The following LAMA2 variants were observed in gnomAD, a reference collection of about 807,000 sequenced individuals.
LAMA2 encodes laminin subunit alpha 2.
Under a neutral mutation model 364.8 loss-of-function variants are expected in LAMA2, and 269 were observed. The observed-to-expected ratio is 0.74, with a 90% CI of 0.67 to 0.82. The LOEUF is 0.82. Ranked by LOEUF, LAMA2 falls within the 40% of genes least tolerant of loss-of-function variation. LAMA2 has a pLI of 0.00. For missense variants in LAMA2, 3,807 were observed against 3,873.2 expected, an observed-to-expected ratio of 0.98 and a Z score of 0.45; for synonymous variants, 1,379 against 1,370.6, an observed-to-expected ratio of 1.01 and a Z score of -0.14.
Position 129,096,482 on chromosome 6 carries a change from C to T in LAMA2, c.397-1691C>T, listed in dbSNP as rs1438204162. On this transcript the variant is annotated intron_variant, in intron 3 of 64. Coordinates refer to ENST00000421865, the MANE Select transcript of LAMA2 (RefSeq NM_000426.4). The stretch of plus-strand genomic sequence containing the variant: ...ATGTCTTGGCATATTCAAGCAGTTA[C>T]AGGCACATACATAGATATGTGTGTC... 3.2e-4 allele frequency among the ~76,000 whole-genome samples: 48 copies of T among 152,176 alleles called. 1 individual carries two copies. Among genetic ancestry groups the T allele is most frequent in the Admixed American group, 3.1e-3 (48 of 15,276 alleles).
intron 1 of LAMA2, among the ~76,000 whole-genome samples, chr6:128,980,866 CTAATGAAAA>C (rs763290063): frequency 5.5e-4 from 83 of 152,138 alleles, no homozygotes; most frequent in Non-Finnish European, 9.9e-4. Flanking sequence ...TTGATCAATA[CTAATGAAAA>C]TAAACCTGAA....
intron 1 of LAMA2, among the ~76,000 whole-genome samples, chr6:128,965,053 A>G (rs1035632611): frequency 6.6e-6 from 1 of 152,078 alleles, no homozygotes; most frequent in Non-Finnish European, 1.5e-5. Context: ...TGAGAGGATT[A>G]TAAAATGAAG....
chr6:128,921,864 C>G (rs1274066576), intron 1 of LAMA2, among the ~76,000 whole-genome samples: 1 of 117,562 alleles, frequency 8.5e-6, no homozygotes, highest in East Asian at 3.0e-4. Flanking sequence ...CCCCTCCCCC[C>G]ACCCCACAAC....
At chr6:129,142,935 A>G (rs1370851294) in intron 4 of LAMA2, among the ~76,000 whole-genome samples, 3 of 151,858 alleles carry the variant, frequency 2.0e-5, no homozygotes, top group Non-Finnish European at 4.4e-5. Context: ...ATATTTGTGC[A>G]TTTTGTTATG....
chr6:129,016,801 A>G (rs1785103075), intron 1 of LAMA2, among the ~76,000 whole-genome samples: 1 of 151,766 alleles, frequency 6.6e-6, no homozygotes, highest in South Asian at 2.1e-4. Context: ...TCATACATTG[A>G]GGTTTTTATT....
chr6:129,154,787 G>A (rs1248770498), intron 8 of LAMA2, 104 bp downstream of exon 8: 3 of 914,006 alleles, frequency 3.3e-6, no homozygotes, highest in Non-Finnish European at 5.1e-6. Flanking sequence ...GTAAACAGTT[G>A]AACTTCAAAT....
intron 12 of LAMA2, among the ~76,000 whole-genome samples, chr6:129,201,395 C>T (rs919788747): frequency 3.3e-5 from 5 of 152,038 alleles, no homozygotes; most frequent in East Asian, 1.9e-4. Context: ...AAAGAGAAAC[C>T]GGAGTACTGA....
At chr6:129,439,998 C>G (rs148277554) in intron 42 of LAMA2, among the ~76,000 whole-genome samples, 82 of 152,022 alleles carry the variant, frequency 5.4e-4, no homozygotes, top group African/African-American at 1.9e-3. Context: ...CTGTGTATAA[C>G]ATAAGTTAGC....
Position 129,502,645 on chromosome 6 carries a change from TG to T in LAMA2, c.8245-11del, listed in dbSNP as rs1427702922. ...TCCATAATCTCCTGTTTTTCTCTCC[TG>T]GGTATTTTACAGGGTCCTTGTGCTG... is the stretch of plus-strand genomic sequence containing the variant. On this transcript the variant is annotated splice_polypyrimidine_tract_variant and intron_variant, in intron 58 of 64. Transcript: ENST00000421865. 2 of 1,556,580 alleles carry T rather than the reference TG, an allele frequency of 1.3e-6. No homozygotes were observed. Among genetic ancestry groups the T allele is most frequent in the South Asian group, 1.1e-5 (1 of 89,936 alleles).
intron 32 of LAMA2, among the ~76,000 whole-genome samples, chr6:129,355,318 CTCT>C (rs1218123629): frequency 6.6e-6 from 1 of 152,070 alleles, no homozygotes; most frequent in Admixed American, 6.6e-5. Context: ...TTCATCTTTT[CTCT>C]TCTTCTAAAA....
intron 12 of LAMA2, among the ~76,000 whole-genome samples, chr6:129,209,771 A>G (rs994558820): frequency 2.0e-5 from 3 of 152,080 alleles, no homozygotes; most frequent in Admixed American, 6.5e-5. Flanking sequence ...TGGGAGGCTG[A>G]GGCGGGCGGA....
At chr6:129,398,936 G>A (rs556388455) in intron 37 of LAMA2, among the ~76,000 whole-genome samples, 7 of 152,264 alleles carry the variant, frequency 4.6e-5, no homozygotes, top group South Asian at 2.1e-4. Context: ...CTGGATGCAC[G>A]GGCTGATAAA....
chr6:129,218,412 A>T (rs550312280), intron 12 of LAMA2, among the ~76,000 whole-genome samples: 3 of 152,314 alleles, frequency 2.0e-5, no homozygotes, highest in African/African-American at 7.2e-5. Context: ...ACAATGAAAC[A>T]TACTTGGGCA....
intron 40 of LAMA2, among the ~76,000 whole-genome samples, chr6:129,407,200 A>G (rs545394702): frequency 6.6e-6 from 1 of 152,114 alleles, no homozygotes; most frequent in Non-Finnish European, 1.5e-5. Context: ...CAACACCCTC[A>G]CAGAGACACC....
chr6:129,162,434 T>A (rs1283334879), intron 8 of LAMA2, among the ~76,000 whole-genome samples: 1 of 152,028 alleles, frequency 6.6e-6, no homozygotes, highest in Non-Finnish European at 1.5e-5. Flanking sequence ...TATATTGCCC[T>A]CCTGCTTGAA....
intron 3 of LAMA2, among the ~76,000 whole-genome samples, chr6:129,097,295 A>C (rs2114871251): frequency 6.6e-6 from 1 of 152,346 alleles, no homozygotes; most frequent in Non-Finnish European, 1.5e-5. Flanking sequence ...CATTGTACAT[A>C]AATGTCATTC....
rs537042777 is a variant in LAMA2 at position 129,513,637 on chromosome 6, T to C, written c.8989-736T>C. Among the ~76,000 whole-genome samples, 8 of 152,348 alleles carry C rather than the reference T, an allele frequency of 5.3e-5. No homozygotes were observed. In the East Asian group the frequency reaches 1.5e-3, roughly 29 times the overall value. On this transcript the variant is annotated intron_variant, in intron 63 of 64. Coordinates refer to ENST00000421865, the MANE Select transcript of LAMA2 (RefSeq NM_000426.4). ...TCGAATGTCTTGCCAAACTGACTAA[T>C]GTTTTTAGTGTTTCAATATGTTTCG...
chr6:129,313,063 C>T lies in LAMA2; in HGVS notation c.3377C>T (p.Ser1126Phe). 6.2e-7 allele frequency: 1 copy of T among 1,612,274 alleles called. No individual in the cohort carries two copies. The change falls in exon 23 of 65, where the codon TCC (serine) becomes TTC (phenylalanine). Residue 1126 changes from serine (S) to phenylalanine (F), a missense_variant. By Grantham distance (155) the Ser-to-Phe change is radical. Around this residue, in one of 3 missense-constraint regions of LAMA2, gnomAD observed 3,333 missense variants for 3,345.7 expected, o/e 1.00. Coordinates refer to ENST00000421865, the MANE Select transcript of LAMA2 (RefSeq NM_000426.4). ...TGTGATTCAGAGACTAAAAAATGCTCCTGTAGTGATCAAACTGGGCAGTGC... is the reference window on the plus strand; with the variant it reads ...TGTGATTCAGAGACTAAAAAATGCTTCTGTAGTGATCAAACTGGGCAGTGC... ...TTCDSETKKCSCSDQTGQCTC... is the reference protein window; with the variant it reads ...TTCDSETKKCFCSDQTGQCTC...
intron 56 of LAMA2, among the ~76,000 whole-genome samples, chr6:129,487,572 T>C (rs1784655203): frequency 6.6e-6 from 1 of 152,206 alleles, no homozygotes; most frequent in South Asian, 2.1e-4. Flanking sequence ...GTAGCAGTAG[T>C]TCAGCCAAGC....
Sources: gnomAD v4.1 joint callset for allele counts (sites outside exome capture counted in the v4.1 genomes callset) on GRCh38, gnomAD v4.1.1 for gene constraint, gnomAD v4.1.1 regional missense constraint, MANE v1.5 for transcripts, NCBI Gene and HGNC (gene_info 2026-07-23, HGNC 2026-07-21) for gene names.